HSPG2: variants seen among roughly 807,000 people sequenced by gnomAD.
HSPG2 encodes the protein basement membrane-specific heparan sulfate proteoglycan core protein.
A neutral mutation model predicts 526.6 loss-of-function variants in HSPG2; 278 were observed. The observed-to-expected ratio is 0.53, with a 90% CI of 0.48 to 0.58. The LOEUF is 0.58. HSPG2 is among the 20% of genes least tolerant of loss of function. HSPG2 has a pLI of 0.00. For synonymous variants in HSPG2, 2,465 were observed against 2,555.4 expected, an observed-to-expected ratio of 0.96 and a Z score of 1.07; for missense variants, 5,354 against 6,099.5, an observed-to-expected ratio of 0.88 and a Z score of 4.07.
At chr1:21,888,480 T>C (rs1642110634) in intron 6 of HSPG2, among the ~76,000 whole-genome samples, 1 of 152,246 alleles carries the variant, frequency 6.6e-6, no homozygotes, top group South Asian at 2.1e-4. Flanking sequence ...TCTTCTTTTT[T>C]ATTTTTTTAG....
intron 87 of HSPG2, 67 bp downstream of exon 87, chr1:21,829,316 G>A (rs1365365966): frequency 1.6e-5 from 24 of 1,524,892 alleles, no homozygotes; most frequent in Middle Eastern, 1.7e-4. Context: ...CCTCCCTGGG[G>A]CTTGAAGAGC....
At chr1:21,844,362 T>C in intron 64 of HSPG2, 63 bp from the exon 65 acceptor site, 3 of 1,544,218 alleles carry the variant, frequency 1.9e-6, no homozygotes, top group Non-Finnish European at 2.6e-6. Context: ...GCCCTTCCCC[T>C]GGGGCCCAGA....
In HSPG2 at chr1:21,865,068, G is replaced by A; in HGVS notation, c.4401C>T (p.Phe1467=). 6.4e-7 allele frequency: 1 copy of A among 1,562,464 alleles called. No homozygotes were observed. The highest frequency in any genetic ancestry group is 8.6e-7 in the Non-Finnish European group (1 of 1,156,864). ...CCGGCTGCCCATCGGGCCGGCGCCA[G>A]AATTCCTGGGTTGGGGGTGGCAACG... ...RSYEIMFREE[F]WRRPDGQPAT... Residue 1467 remains phenylalanine, a synonymous_variant, in exon 36 of 97, where the codon TTC becomes TTT. Coordinates refer to ENST00000374695, the MANE Select transcript of HSPG2 (RefSeq NM_005529.7). The surrounding 1 kb of genome is among the most constrained non-coding windows in gnomAD (Gnocchi z 5.4).
chr1:21,932,733 A>G (rs1423847887), intron 1 of HSPG2, among the ~76,000 whole-genome samples: 1 of 152,208 alleles, frequency 6.6e-6, no homozygotes, highest in Non-Finnish European at 1.5e-5. Context: ...CAGCAGACGC[A>G]GAGACCCTAA....
At chr1:21,930,439 G>C in intron 1 of HSPG2, among the ~76,000 whole-genome samples, 1 of 152,186 alleles carries the variant, frequency 6.6e-6, no homozygotes, top group East Asian at 1.9e-4. Flanking sequence ...AGTGACATGA[G>C]AGGAAGGAAT....
Position 21,885,027 on chromosome 1 carries a change from G to A in HSPG2, c.1341C>T (p.Ile447=). The A allele has an allele frequency of 1.2e-6, 2 of 1,613,944 alleles. No homozygotes were observed. Among genetic ancestry groups the A allele is most frequent in the South Asian group, 2.2e-5 (2 of 91,080 alleles). ...IINWRLNWGH[I]PSHPRVTVTS... ...CAGAGCCGCACCTGGGATGAGAGGG[G>A]ATGTGGCCCCAGTTGAGCCTCCAAT... The change falls in exon 11 of 97, where the codon ATC becomes ATT. Residue 447 remains isoleucine (I), a synonymous_variant. Coordinates refer to ENST00000374695, the MANE Select transcript of HSPG2 (RefSeq NM_005529.7).
chr1:21,900,280 CG>C (rs1643025181), intron 1 of HSPG2, among the ~76,000 whole-genome samples: 1 of 152,194 alleles, frequency 6.6e-6, no homozygotes, highest in Admixed American at 6.5e-5. Flanking sequence ...CTGACTCAAC[CG>C]GGCCCAGGCC....
intron 91 of HSPG2, among the ~76,000 whole-genome samples, 167 bp downstream of exon 91, chr1:21,827,696 T>C (rs193185044): frequency 6.6e-6 from 1 of 152,276 alleles, no homozygotes; most frequent in Admixed American, 6.5e-5. Flanking sequence ...AGCCAGTAAG[T>C]GTGGGGCAGG....
At chr1:21,844,555 G>A (rs1481773733) in intron 64 of HSPG2, among the ~76,000 whole-genome samples, 2 of 152,198 alleles carry the variant, frequency 1.3e-5, no homozygotes, top group Non-Finnish European at 2.9e-5. Flanking sequence ...CCAGGGCTGA[G>A]GTCTAGACAC....
intron 29 of HSPG2, 53 bp from the exon 30 acceptor site, chr1:21,873,477 C>T: frequency 6.4e-7 from 1 of 1,566,126 alleles, no homozygotes. Flanking sequence ...AGCAGAACCC[C>T]AGGGCTGGGC....
In HSPG2 at chr1:21,839,120, G is replaced by C; in HGVS notation, c.9890-35C>G. On this transcript the variant is annotated intron_variant, in intron 73 of 96. Coordinates refer to ENST00000374695, the MANE Select transcript of HSPG2 (RefSeq NM_005529.7). The surrounding 1 kb of genome is among the most constrained non-coding windows in gnomAD (Gnocchi z 4.5). ...GGGACACAGAGGTCAGGATTGGGGA[G>C]GGCAAAGGTCAGAATGGCAGCAGGT... 1 of 1,557,538 alleles carries C rather than the reference G, an allele frequency of 6.4e-7. No homozygotes were observed. The highest frequency in any genetic ancestry group is 1.2e-5 in the South Asian group (1 of 81,570).
chr1:21,885,148 T>TG lies in HSPG2; in HGVS notation c.1219dup (p.Gln407ProfsTer62), dbSNP rs763945561. 17 of 1,608,412 alleles carry TG rather than the reference T, an allele frequency of 1.1e-5. No individual in the cohort carries two copies. The highest frequency in any genetic ancestry group is 8.5e-6 in the Non-Finnish European group (10 of 1,177,356). ...GGACTCCCGGGGAGGTGTCACCACC[T>TG]GGGGGGGCACTGAGGAGACCAGGGC... is the stretch of plus-strand genomic sequence containing the variant. On this transcript the variant is annotated frameshift_variant, in exon 11 of 97. Transcript: ENST00000374695. LOFTEE classifies it high-confidence loss of function.
rs371918223 is a variant in HSPG2, at chr1:21,872,155, C to G, written c.4221+31G>C. ...CAGAGGTGAACTCATGTCTGAGTCA[C>G]GGCTGACCCTGGTGCTTGGCTGGGG... On this transcript the variant is annotated intron_variant, in intron 33 of 96. Coordinates refer to ENST00000374695, the MANE Select transcript of HSPG2 (RefSeq NM_005529.7). This position sits in a 1 kb window ranked among gnomAD's most constrained non-coding sequence, Gnocchi z 5.5. The G allele has an allele frequency of 1.3e-6, 2 of 1,550,220 alleles. No individual in the cohort carries two copies. Among genetic ancestry groups the G allele is most frequent in the Admixed American group, 3.9e-5 (2 of 50,988 alleles).
At chr1:21,871,104 GAACA>G (rs1202561611) in intron 33 of HSPG2, among the ~76,000 whole-genome samples, 1 of 152,188 alleles carries the variant, frequency 6.6e-6, no homozygotes, top group Admixed American at 6.5e-5. Flanking sequence ...TGCTGCTCAA[GAACA>G]CATTTGGGCA....
chr1:21,897,998 C>A (rs1401044594), intron 1 of HSPG2, among the ~76,000 whole-genome samples: 1 of 152,222 alleles, frequency 6.6e-6, no homozygotes, highest in East Asian at 1.9e-4. Context: ...GGAATGGAAG[C>A]ACCTTGAAGG....
chr1:21,917,437 GTAAA>G (rs71569857), intron 1 of HSPG2, among the ~76,000 whole-genome samples: 30,235 of 141,030 alleles, frequency 0.21, 3,571 homozygotes, highest in East Asian at 0.38. Flanking sequence ...TGTCTCAAAA[GTAAA>G]TAAATAAATA....
intron 24 of HSPG2, 38 bp from the exon 25 acceptor site, chr1:21,875,785 T>C (rs1641013205): frequency 1.2e-6 from 2 of 1,606,266 alleles, no homozygotes; most frequent in Non-Finnish European, 1.7e-6. Flanking sequence ...GCCCCTGACG[T>C]CCTGGAGTAT....
intron 1 of HSPG2, among the ~76,000 whole-genome samples, chr1:21,932,647 G>A (rs903241398): frequency 8.5e-5 from 13 of 152,328 alleles, no homozygotes; most frequent in African/African-American, 3.1e-4. Flanking sequence ...AGCCATTATG[G>A]GAAGAGTGGT....
rs1644122614 is a variant in HSPG2 at position 21,924,206 on chromosome 1, A to C, written c.63+12949T>G. 2.6e-5 allele frequency among the ~76,000 whole-genome samples: 4 copies of C among 152,332 alleles called. No homozygotes were observed. In the South Asian group the frequency reaches 8.3e-4, roughly 32 times the overall value. ...CCAGATGAGAAGTAGCTCATGGAGC[A>C]GGGAATAGCCAGGCGCAGAGGAAGG... On this transcript the variant is annotated intron_variant, in intron 1 of 96. Transcript: ENST00000374695.
Sources: gnomAD v4.1 joint callset for allele counts (sites outside exome capture counted in the v4.1 genomes callset) on GRCh38, gnomAD v4.1.1 for gene constraint, Gnocchi (gnomAD v3.1) non-coding constraint, MANE v1.5 for transcripts, NCBI Gene and HGNC (gene_info 2026-07-23, HGNC 2026-07-21) for gene names.